CDH9: variants seen among roughly 807,000 people sequenced by gnomAD.
CDH9 encodes cadherin 9.
Under a neutral mutation model 70.9 loss-of-function variants are expected in CDH9, and 28 were observed. That is an observed-to-expected ratio of 0.40 (90% CI 0.29 to 0.54). CDH9 has a LOEUF of 0.54. CDH9 is among the 20% of genes least tolerant of loss of function. The pLI is 0.59. For missense variants in CDH9, 874 were observed against 984.4 expected (o/e 0.89, Z 1.50); for synonymous variants, 409 against 343.1 (o/e 1.19, Z -2.12).
At chr5:26,953,136 G>A (rs62346442) in intron 2 of CDH9, among the ~76,000 whole-genome samples, 10,274 of 152,014 alleles carry the variant, frequency 0.068, 415 homozygotes, top group Middle Eastern at 0.16. Flanking sequence ...ATCTTGTATT[G>A]TAAAATATTA....
chr5:26,927,865 C>T (rs1454546659), intron 2 of CDH9, among the ~76,000 whole-genome samples: 1 of 151,918 alleles, frequency 6.6e-6, no homozygotes, highest in Non-Finnish European at 1.5e-5. Context: ...AAAACATCAC[C>T]CCTACTTCTC....
intron 1 of CDH9, among the ~76,000 whole-genome samples, chr5:27,033,449 T>G (rs1743342113): frequency 6.9e-6 from 1 of 145,684 alleles, no homozygotes; most frequent in Non-Finnish European, 1.5e-5. Context: ...TATGCAGATA[T>G]AAAGATATAA....
At chr5:26,919,116 G>A (rs1200743811) in intron 2 of CDH9, among the ~76,000 whole-genome samples, 2 of 152,090 alleles carry the variant, frequency 1.3e-5, no homozygotes. Context: ...AAAATCAGGT[G>A]AGTGACCACA....
chr5:26,974,062 T>C (rs1263442554), intron 2 of CDH9, among the ~76,000 whole-genome samples: 1 of 152,076 alleles, frequency 6.6e-6, no homozygotes, highest in Non-Finnish European at 1.5e-5. Context: ...CTAGCTAACA[T>C]GGTGAAACCT....
chr5:27,012,868 T>C (rs2112116910), intron 1 of CDH9, among the ~76,000 whole-genome samples: 1 of 152,172 alleles, frequency 6.6e-6, no homozygotes, highest in Non-Finnish European at 1.5e-5. Flanking sequence ...CTAGTGTTTA[T>C]TTCAGCTGGA....
intron 7 of CDH9, among the ~76,000 whole-genome samples, chr5:26,901,014 C>T (rs1178705208): frequency 1.3e-5 from 2 of 151,978 alleles, no homozygotes; most frequent in Non-Finnish European, 2.9e-5. Flanking sequence ...TTCAATAAAA[C>T]ACAAATCTAC....
At chr5:26,902,222 A>C (rs548678524) in intron 7 of CDH9, among the ~76,000 whole-genome samples, 1 of 152,068 alleles carries the variant, frequency 6.6e-6, no homozygotes, top group Non-Finnish European at 1.5e-5. Flanking sequence ...ACAAATTATA[A>C]TACTATCTAC....
At chr5:26,931,399 C>G (rs1741460021) in intron 2 of CDH9, among the ~76,000 whole-genome samples, 1 of 151,964 alleles carries the variant, frequency 6.6e-6, no homozygotes, top group Non-Finnish European at 1.5e-5. Flanking sequence ...TGTGCATGAA[C>G]AGTATGCCTG....
At chr5:26,945,319 T>C (rs1479684) in intron 2 of CDH9, among the ~76,000 whole-genome samples, 125,177 of 151,820 alleles carry the variant, frequency 0.82, 53,269 homozygotes, top group East Asian at 0.99. Context: ...ACTCAAGAAT[T>C]GTTTTATTTT....
Position 26,881,093 on chromosome 5 carries a change from T to A in CDH9, c.*43A>T. 1 of 1,525,724 alleles carries A rather than the reference T, an allele frequency of 6.6e-7. No individual in the cohort carries two copies. Among genetic ancestry groups the A allele is most frequent in the Non-Finnish European group, 8.8e-7 (1 of 1,131,104 alleles). 94.5% of individuals were successfully genotyped at this position (1,525,724 alleles called of 1,614,324 possible). ...ATGCAGGCCACTCAATCTAATAACA[T>A]AGACAGTACTTCCACTAATATTGAT... On this transcript the variant is annotated 3_prime_UTR_variant, in exon 12 of 12. Transcript: ENST00000231021.
At chr5:26,908,340 GTTT>G (rs34902473) in intron 3 of CDH9, among the ~76,000 whole-genome samples, 1 of 150,732 alleles carries the variant, frequency 6.6e-6, no homozygotes, top group Non-Finnish European at 1.5e-5. Context: ...TTCAACAAGT[GTTT>G]TTTTTTAATT....
chr5:26,937,365 A>C (rs1444406752), intron 2 of CDH9, among the ~76,000 whole-genome samples: 1 of 152,164 alleles, frequency 6.6e-6, no homozygotes, highest in Non-Finnish European at 1.5e-5. Context: ...CACTGACAAC[A>C]TTAAATGCCA....
intron 7 of CDH9, among the ~76,000 whole-genome samples, chr5:26,894,395 CA>C (rs1740711625): frequency 6.6e-6 from 1 of 151,978 alleles, no homozygotes; most frequent in Non-Finnish European, 1.5e-5. Context: ...TTTTCAGGAT[CA>C]AAATAGATTT....
intron 2 of CDH9, among the ~76,000 whole-genome samples, chr5:26,976,791 T>C (rs1049083263): frequency 6.6e-6 from 1 of 152,166 alleles, no homozygotes; most frequent in African/African-American, 2.4e-5. Flanking sequence ...TTGGATATCA[T>C]CTTTTGTGAA....
intron 2 of CDH9, among the ~76,000 whole-genome samples, chr5:26,975,533 A>G (rs1343115789): frequency 6.6e-6 from 1 of 152,190 alleles, no homozygotes; most frequent in Non-Finnish European, 1.5e-5. Flanking sequence ...AAATTTTTAA[A>G]TACTACAATA....
intron 2 of CDH9, among the ~76,000 whole-genome samples, chr5:26,981,360 C>T (rs1367033812): frequency 6.6e-6 from 1 of 152,002 alleles, no homozygotes; most frequent in Non-Finnish European, 1.5e-5. Context: ...CTTGTAATAC[C>T]TAATACCCTC....
At chr5:26,894,035 CT>C (rs1210783621) in intron 7 of CDH9, among the ~76,000 whole-genome samples, 1 of 152,102 alleles carries the variant, frequency 6.6e-6, no homozygotes, top group Non-Finnish European at 1.5e-5. Flanking sequence ...TACACAAATT[CT>C]GCTTATGAAT....
At chr5:26,935,532 T>C (rs771149588) in intron 2 of CDH9, among the ~76,000 whole-genome samples, 1 of 152,156 alleles carries the variant, frequency 6.6e-6, no homozygotes, top group African/African-American at 2.4e-5. Flanking sequence ...ATCAGTGAAA[T>C]GCAAATTAAA....
At chr5:27,020,024 T>A (rs989004658) in intron 1 of CDH9, among the ~76,000 whole-genome samples, 1 of 151,846 alleles carries the variant, frequency 6.6e-6, no homozygotes, top group African/African-American at 2.4e-5. Context: ...ACAGGTGATA[T>A]TAACTTATAT....
Sources: allele counts gnomAD v4.1 joint callset (sites outside exome capture counted in the v4.1 genomes callset), GRCh38; gene constraint gnomAD v4.1.1; transcripts MANE v1.5; gene names NCBI Gene and HGNC (gene_info 2026-07-23, HGNC 2026-07-21).